HECW2: variants seen among roughly 807,000 people sequenced by gnomAD.
The protein encoded by HECW2 is HECT, C2 and WW domain containing E3 ubiquitin protein ligase 2.
HECW2 carries 61 observed loss-of-function variants against 175.2 expected under a neutral mutation model. The observed-to-expected ratio is 0.35, with a 90% CI of 0.28 to 0.43. The LOEUF (loss-of-function observed/expected upper bound fraction) is 0.43, where lower values mean the gene tolerates loss of function less well. Among genes scored for constraint, HECW2 ranks in the 20% least tolerant of loss-of-function variants. The pLI is 1.00. For synonymous variants in HECW2, 671 were observed against 731.0 expected (o/e 0.92, Z 1.32); for missense variants, 1,524 against 2,000.5 (o/e 0.76, Z 4.54).
chr2:196,507,176 T>TAC (rs1553528227), intron 1 of HECW2, among the ~76,000 whole-genome samples: 1,516 of 151,470 alleles, frequency 0.01, 17 homozygotes, highest in South Asian at 0.026. Context: ...ATGTGTATAT[T>TAC]ACACACACTA....
intron 1 of HECW2, among the ~76,000 whole-genome samples, chr2:196,548,489 AACTAC>A (rs1353151164): frequency 1.3e-5 from 2 of 152,194 alleles, no homozygotes; most frequent in Admixed American, 1.3e-4. Context: ...CTTGAGGATA[AACTAC>A]ATCCTTGCTC....
At chr2:196,502,667 T>G (rs73989947) in intron 1 of HECW2, among the ~76,000 whole-genome samples, 1,541 of 152,314 alleles carry the variant, frequency 0.01, 28 homozygotes, top group African/African-American at 0.034. Context: ...TGTTCCTTCC[T>G]TCCTTCCACA....
chr2:196,513,220 T>C (rs1007558096), intron 1 of HECW2, among the ~76,000 whole-genome samples: 2 of 152,182 alleles, frequency 1.3e-5, no homozygotes, highest in African/African-American at 2.4e-5. Context: ...ATGAAGGTGG[T>C]AGTAATTTCA....
chr2:196,260,551 A>G (rs1156874615), intron 17 of HECW2: 1 of 152,200 alleles, frequency 6.6e-6, no homozygotes, highest in Non-Finnish European at 1.5e-5. Context: ...TTCTCATTTG[A>G]TGTGAAAATA....
intron 2 of HECW2, among the ~76,000 whole-genome samples, chr2:196,377,896 G>GA (rs1694096650): frequency 6.6e-6 from 1 of 151,794 alleles, no homozygotes; most frequent in African/African-American, 2.4e-5. Context: ...ATACAAAAGA[G>GA]AAAAAAAGGA....
chr2:196,507,206 A>C (rs1687796693), intron 1 of HECW2, among the ~76,000 whole-genome samples: 1 of 152,296 alleles, frequency 6.6e-6, no homozygotes, highest in African/African-American at 2.4e-5. Context: ...TATTACACAC[A>C]CACTAATATG....
At chr2:196,224,838 C>A (rs1205155933) in intron 23 of HECW2, among the ~76,000 whole-genome samples, 1 of 152,036 alleles carries the variant, frequency 6.6e-6, no homozygotes, top group Admixed American at 6.6e-5. Flanking sequence ...AAGTGGGCCA[C>A]AAAGAACCAA....
intron 19 of HECW2, among the ~76,000 whole-genome samples, chr2:196,248,559 A>G (rs1268479493): frequency 6.6e-6 from 1 of 150,520 alleles, no homozygotes; most frequent in Non-Finnish European, 1.5e-5. Flanking sequence ...AAAGGTGGGG[A>G]AAGGGAGAGG....
chr2:196,566,105 C>A (rs1341896369), intron 1 of HECW2, among the ~76,000 whole-genome samples: 1 of 151,626 alleles, frequency 6.6e-6, no homozygotes. Context: ...TTGCTTTTAG[C>A]GATGACCCAT....
At chr2:196,286,632 A>AT (rs1472580983) in intron 14 of HECW2, among the ~76,000 whole-genome samples, 1 of 152,104 alleles carries the variant, frequency 6.6e-6, no homozygotes, top group Non-Finnish European at 1.5e-5. Flanking sequence ...TTTCTAACAT[A>AT]TTTTTACCTT....
At chr2:196,389,151 A>T (rs1468397308) in intron 2 of HECW2, among the ~76,000 whole-genome samples, 1 of 152,074 alleles carries the variant, frequency 6.6e-6, no homozygotes, top group Non-Finnish European at 1.5e-5. Context: ...GGTTTTACAA[A>T]TTTTTCACCC....
chr2:196,442,292 A>G (rs1005555683), intron 1 of HECW2, among the ~76,000 whole-genome samples: 2 of 152,226 alleles, frequency 1.3e-5, no homozygotes, highest in African/African-American at 4.8e-5. Flanking sequence ...TAAAAAAGAT[A>G]TAATTGTTGT....
chr2:196,243,866 AC>A (rs1044294754), intron 19 of HECW2, among the ~76,000 whole-genome samples: 2 of 152,236 alleles, frequency 1.3e-5, no homozygotes, highest in African/African-American at 4.8e-5. Flanking sequence ...GGCGTGAGCC[AC>A]CATGCCCAGC....
chr2:196,547,525 T>C (rs1274527854), intron 1 of HECW2, among the ~76,000 whole-genome samples: 1 of 152,238 alleles, frequency 6.6e-6, no homozygotes, highest in Admixed American at 6.5e-5. Flanking sequence ...AAAGATTTGC[T>C]TTCATGTCTG....
chr2:196,391,102 C>A (rs147014040), intron 2 of HECW2, among the ~76,000 whole-genome samples: 3 of 152,120 alleles, frequency 2.0e-5, no homozygotes, highest in African/African-American at 7.2e-5. Flanking sequence ...CAGCAAGAGA[C>A]AGGAGGCAGG....
intron 1 of HECW2, among the ~76,000 whole-genome samples, chr2:196,581,685 G>C (rs554530442): frequency 6.6e-6 from 1 of 152,212 alleles, no homozygotes; most frequent in South Asian, 2.1e-4. Flanking sequence ...TTCCAAGATA[G>C]AAAATAAACT....
chr2:196,367,662 G>A (rs1251271350), intron 2 of HECW2, among the ~76,000 whole-genome samples: 1 of 151,858 alleles, frequency 6.6e-6, no homozygotes, highest in Non-Finnish European at 1.5e-5. Context: ...CCAGCCTCTG[G>A]TAACCATCAT....
At chr2:196,334,861 C>T (rs1692494095) in intron 3 of HECW2, among the ~76,000 whole-genome samples, 1 of 152,184 alleles carries the variant, frequency 6.6e-6, no homozygotes, top group Admixed American at 6.5e-5. Flanking sequence ...AGTGAACCCT[C>T]ACAGAACCTT....
chr2:196,248,342 AAAGTT>A (rs1429090578), intron 19 of HECW2, among the ~76,000 whole-genome samples: 1 of 152,138 alleles, frequency 6.6e-6, no homozygotes, highest in Non-Finnish European at 1.5e-5. Flanking sequence ...AACAACACAA[AAAGTT>A]AAGTCTCTAT....
Sources: allele counts gnomAD v4.1 joint callset (sites outside exome capture counted in the v4.1 genomes callset), GRCh38; gene constraint gnomAD v4.1.1; transcripts MANE v1.5; gene names NCBI Gene and HGNC (gene_info 2026-07-23, HGNC 2026-07-21).